The following CA10 variants were observed in gnomAD, a reference collection of about 807,000 sequenced individuals.
CA10 encodes the protein carbonic anhydrase 10 (inactive), also known as carbonic anhydrase-related protein 10.
CA10 carries 14 observed loss-of-function variants against 44.2 expected under a neutral mutation model. The ratio of observed to expected loss-of-function variants is 0.32; its 90% CI spans 0.21 to 0.50. CA10 has a LOEUF of 0.50. Ranked by LOEUF, CA10 falls within the 20% of genes least tolerant of loss-of-function variation. The pLI is 0.99. For synonymous variants in CA10, 159 were observed against 141.6 expected (o/e 1.12, Z -0.87); for missense variants, 350 against 409.7 (o/e 0.85, Z 1.26).
At position 51,633,570 on chromosome 17, in the gene CA10, C is replaced by A. The variant is rs749131684; in HGVS notation, c.870G>T (p.Gln290His). Residue 290 changes from glutamine (Q) to histidine (H), a missense_variant, in exon 8 of 9, where the codon CAG (glutamine) becomes CAT (histidine). Physicochemically the swap from Gln to His is conservative, Grantham distance 24 (BLOSUM62 0). Transcript: ENST00000451037. ...TGCGGATGCAGCGGTTGTTGAGTGG[C>A]TGGACAGGCCTGAAGTTGTCACTCA... ...LSMSDNFRPV[Q>H]PLNNRCIRTN... 6.2e-7 allele frequency: 1 copy of A among 1,614,012 alleles called. No individual in the cohort carries two copies. The highest frequency in any genetic ancestry group is 8.5e-7 in the Non-Finnish European group (1 of 1,179,950).
At chr17:51,971,307 C>T (rs1984272548) in intron 2 of CA10, among the ~76,000 whole-genome samples, 1 of 152,092 alleles carries the variant, frequency 6.6e-6, no homozygotes, top group African/African-American at 2.4e-5. Flanking sequence ...GGATTAAGAG[C>T]AGAAAAATCA....
chr17:51,778,800 T>A (rs902878184), intron 3 of CA10, among the ~76,000 whole-genome samples: 1 of 152,062 alleles, frequency 6.6e-6, no homozygotes, highest in Non-Finnish European at 1.5e-5. Context: ...ATCCCAGAAA[T>A]GGGGCCTCTA....
chr17:51,901,212 TGTGG>T (rs1304306496), intron 3 of CA10, among the ~76,000 whole-genome samples: 1 of 152,102 alleles, frequency 6.6e-6, no homozygotes, highest in African/African-American at 2.4e-5. Flanking sequence ...CTTTGATGCC[TGTGG>T]GTGTTTGATT....
At chr17:51,945,835 C>G (rs1388644789) in intron 2 of CA10, among the ~76,000 whole-genome samples, 1 of 152,132 alleles carries the variant, frequency 6.6e-6, no homozygotes, top group Non-Finnish European at 1.5e-5. Context: ...ACACCTCTCA[C>G]AGTCACACAG....
At chr17:52,156,957 G>A (rs541635651) in intron 1 of CA10, among the ~76,000 whole-genome samples, 3 of 152,098 alleles carry the variant, frequency 2.0e-5, no homozygotes, top group South Asian at 2.1e-4. Context: ...ACCAGAACTC[G>A]TCCTAACACA....
chr17:52,123,976 T>C (rs1989067362), intron 1 of CA10, among the ~76,000 whole-genome samples: 1 of 152,196 alleles, frequency 6.6e-6, no homozygotes, highest in African/African-American at 2.4e-5. Flanking sequence ...AAGCACCTCA[T>C]TCATTCACAC....
intron 2 of CA10, among the ~76,000 whole-genome samples, chr17:52,029,227 C>T (rs1040453437): frequency 6.6e-6 from 1 of 152,154 alleles, no homozygotes; most frequent in African/African-American, 2.4e-5. Flanking sequence ...AAGGAACCCA[C>T]CTAGATCTCC....
At chr17:51,679,277 T>TG (rs35328457) in intron 4 of CA10, among the ~76,000 whole-genome samples, 32,671 of 149,562 alleles carry the variant, frequency 0.22, 4,535 homozygotes, top group Admixed American at 0.34. Flanking sequence ...TTTTTTTTTT[T>TG]GGGATGGAGT....
chr17:51,949,384 T>C (rs1478173633), intron 2 of CA10, among the ~76,000 whole-genome samples: 1 of 152,186 alleles, frequency 6.6e-6, no homozygotes, highest in Non-Finnish European at 1.5e-5. Context: ...CATTTACACT[T>C]CTATTTTCAA....
intron 3 of CA10, among the ~76,000 whole-genome samples, chr17:51,876,731 G>A (rs1980098587): frequency 6.6e-6 from 1 of 152,140 alleles, no homozygotes; most frequent in African/African-American, 2.4e-5. Context: ...GAAGACTTCA[G>A]TAAAAACTCA....
intron 4 of CA10, among the ~76,000 whole-genome samples, chr17:51,734,276 C>T (rs181444146): frequency 4.0e-5 from 6 of 151,888 alleles, no homozygotes; most frequent in South Asian, 2.1e-4. Context: ...ATGGTTTATA[C>T]GTGATGGCAA....
At position 51,844,226 on chromosome 17, in the gene CA10, C is replaced by T. The variant is rs185609029; in HGVS notation, c.279+86764G>A. Among the ~76,000 whole-genome samples the T allele has an allele frequency of 2.6e-5, 4 of 151,770 alleles. No individual in the cohort carries two copies. In the East Asian group the frequency reaches 7.7e-4, roughly 29 times the overall value. Reference sequence around the variant, plus strand: ...CTTCCAGAAGAGAATGCCATGAATCCCAATAGAATTAGGGAATATTGATAA... The same window carrying T: ...CTTCCAGAAGAGAATGCCATGAATCTCAATAGAATTAGGGAATATTGATAA... On this transcript the variant is annotated intron_variant, in intron 3 of 8. Coordinates refer to ENST00000451037, the MANE Select transcript of CA10 (RefSeq NM_020178.5).
intron 2 of CA10, among the ~76,000 whole-genome samples, chr17:51,939,976 G>A (rs1387217210): frequency 1.3e-5 from 2 of 151,894 alleles, no homozygotes; most frequent in African/African-American, 4.8e-5. Flanking sequence ...TCCAACTACA[G>A]GTTATATACG....
intron 1 of CA10, among the ~76,000 whole-genome samples, chr17:52,110,700 G>A (rs1044909094): frequency 5.9e-5 from 9 of 152,276 alleles, no homozygotes; most frequent in African/African-American, 2.2e-4. Context: ...TGCACCAAAA[G>A]GTTGGTTCCC....
chr17:51,993,508 C>A (rs1341510037), intron 2 of CA10, among the ~76,000 whole-genome samples: 1 of 151,972 alleles, frequency 6.6e-6, no homozygotes, highest in Non-Finnish European at 1.5e-5. Context: ...TTATTAGCAT[C>A]CGTGTAACCA....
intron 4 of CA10, among the ~76,000 whole-genome samples, chr17:51,736,120 A>C (rs1916902264): frequency 6.6e-6 from 1 of 152,204 alleles, no homozygotes; most frequent in Admixed American, 6.5e-5. Context: ...TAGAATGGAC[A>C]TCACTCATAT....
At chr17:51,927,950 A>T (rs1228207713) in intron 3 of CA10, among the ~76,000 whole-genome samples, 1 of 152,192 alleles carries the variant, frequency 6.6e-6, no homozygotes, top group Non-Finnish European at 1.5e-5. Context: ...TAACAGGGTC[A>T]AAGGGTGGAG....
chr17:51,728,663 C>G (rs960679983), intron 4 of CA10, among the ~76,000 whole-genome samples: 11 of 152,138 alleles, frequency 7.2e-5, no homozygotes, highest in Non-Finnish European at 1.5e-5. Flanking sequence ...ACAAGACGTC[C>G]CTGGTGCAGT....
intron 1 of CA10, among the ~76,000 whole-genome samples, chr17:52,096,054 T>C (rs1988392936): frequency 6.6e-6 from 1 of 152,170 alleles, no homozygotes; most frequent in African/African-American, 2.4e-5. Context: ...AGGCTAGTCC[T>C]ATTTACTTCC....
Sources: gnomAD v4.1 joint callset for allele counts (sites outside exome capture counted in the v4.1 genomes callset) on GRCh38, gnomAD v4.1.1 for gene constraint, MANE v1.5 for transcripts, NCBI Gene and HGNC (gene_info 2026-07-23, HGNC 2026-07-21) for gene names.